Variants in CCSER1 observed in about 807,000 individuals in gnomAD.
CCSER1 encodes serine-rich coiled-coil domain-containing protein 1.
In CCSER1, 41 loss-of-function variants were observed where a neutral mutation model predicts 82.0. That is an observed-to-expected ratio of 0.50 (90% CI 0.39 to 0.65). The LOEUF (loss-of-function observed/expected upper bound fraction) is 0.65, where lower values mean the gene tolerates loss of function less well. Ranked by LOEUF, CCSER1 falls within the 30% of genes least tolerant of loss-of-function variation. CCSER1 has a pLI of 0.00. For missense variants in CCSER1, 1,119 were observed against 1,064.2 expected, an observed-to-expected ratio of 1.05 and a Z score of -0.72; for synonymous variants, 414 against 383.9, an observed-to-expected ratio of 1.08 and a Z score of -0.92.
In CCSER1 at chr4:90,835,733, G is replaced by T. The variant is rs376587981; in HGVS notation, c.2094+19888G>T. Reference sequence around the variant, plus strand: ...AGGGAAATTGAATTTTCCCAGAGAGGTATCTCCAACTAGAATATAGTTTTA... The same window carrying T: ...AGGGAAATTGAATTTTCCCAGAGAGTTATCTCCAACTAGAATATAGTTTTA... On this transcript the variant is annotated intron_variant, in intron 8 of 10. Coordinates refer to ENST00000509176, the MANE Select transcript of CCSER1 (RefSeq NM_001145065.2). Among the ~76,000 whole-genome samples, 7 of 152,258 alleles carry T rather than the reference G, an allele frequency of 4.6e-5. No individual in the cohort carries two copies. In the East Asian group the frequency reaches 1.2e-3, roughly 25 times the overall value.
chr4:91,523,844 T>C (rs995740891), intron 10 of CCSER1, among the ~76,000 whole-genome samples: 3 of 152,222 alleles, frequency 2.0e-5, no homozygotes, highest in Non-Finnish European at 4.4e-5. Context: ...TCATTGATTT[T>C]TGAAGGGTTT....
intron 7 of CCSER1, among the ~76,000 whole-genome samples, chr4:90,792,910 G>A (rs993440641): frequency 6.6e-6 from 1 of 152,316 alleles, no homozygotes; most frequent in Admixed American, 6.5e-5. Flanking sequence ...TGATAGGGCT[G>A]GTACCTGGAG....
chr4:91,184,831 G>T (rs985449511), intron 10 of CCSER1, among the ~76,000 whole-genome samples: 1 of 152,086 alleles, frequency 6.6e-6, no homozygotes, highest in Non-Finnish European at 1.5e-5. Flanking sequence ...ATTGTATGTT[G>T]ATTTTTAGGG....
chr4:90,282,809 A>T (rs949092618), intron 1 of CCSER1, among the ~76,000 whole-genome samples: 1 of 151,832 alleles, frequency 6.6e-6, no homozygotes, highest in African/African-American at 2.4e-5. Flanking sequence ...TTTATGGAGG[A>T]CCTTTATTGG....
At chr4:90,926,761 C>T (rs1729117600) in intron 9 of CCSER1, among the ~76,000 whole-genome samples, 1 of 152,000 alleles carries the variant, frequency 6.6e-6, no homozygotes, top group African/African-American at 2.4e-5. Flanking sequence ...CTTAAATAAT[C>T]AATGCCAATT....
At chr4:90,664,203 G>A (rs944300891) in intron 6 of CCSER1, among the ~76,000 whole-genome samples, 3 of 152,130 alleles carry the variant, frequency 2.0e-5, no homozygotes, top group African/African-American at 7.2e-5. Context: ...TGGATAAAAT[G>A]TTTTCTATGT....
chr4:91,392,492 CA>C (rs1471416367), intron 10 of CCSER1, among the ~76,000 whole-genome samples: 1 of 151,628 alleles, frequency 6.6e-6, no homozygotes, highest in East Asian at 1.9e-4. Flanking sequence ...CTTAGAATTT[CA>C]TAAAGATTGC....
intron 10 of CCSER1, among the ~76,000 whole-genome samples, chr4:91,321,903 C>A (rs1746226161): frequency 6.6e-6 from 1 of 151,988 alleles, no homozygotes; most frequent in South Asian, 2.1e-4. Flanking sequence ...TTTACAAGTA[C>A]AATATTTGTG....
At chr4:90,711,719 G>A (rs1180393294) in intron 6 of CCSER1, among the ~76,000 whole-genome samples, 2 of 143,672 alleles carry the variant, frequency 1.4e-5, no homozygotes, top group Admixed American at 1.4e-4. Context: ...ATGTCCTGCT[G>A]GATTTTTTTT....
intron 5 of CCSER1, among the ~76,000 whole-genome samples, chr4:90,611,637 T>C (rs542913868): frequency 2.6e-5 from 4 of 151,152 alleles, no homozygotes; most frequent in Non-Finnish European, 1.5e-5. Flanking sequence ...CCAAACCTCT[T>C]AAGGATATTT....
At chr4:91,091,170 A>G (rs1723910282) in intron 10 of CCSER1, among the ~76,000 whole-genome samples, 1 of 152,210 alleles carries the variant, frequency 6.6e-6, no homozygotes, top group Non-Finnish European at 1.5e-5. Flanking sequence ...TGACAGCACA[A>G]GCGTCAAATT....
intron 8 of CCSER1, among the ~76,000 whole-genome samples, chr4:90,830,615 C>A (rs1272906686): frequency 6.6e-6 from 1 of 152,116 alleles, no homozygotes; most frequent in South Asian, 2.1e-4. Flanking sequence ...TTGCCACAGA[C>A]ACAACTGCCC....
At chr4:90,840,944 C>T (rs1435404219) in intron 8 of CCSER1, among the ~76,000 whole-genome samples, 8 of 152,106 alleles carry the variant, frequency 5.3e-5, no homozygotes, top group Admixed American at 5.2e-4. Flanking sequence ...TCATGTATTG[C>T]ATAATAGTTA....
intron 10 of CCSER1, among the ~76,000 whole-genome samples, chr4:91,364,826 T>C (rs1450115536): frequency 6.6e-6 from 1 of 152,084 alleles, no homozygotes; most frequent in Non-Finnish European, 1.5e-5. Context: ...AGACATCAAA[T>C]AGTAAGTTTT....
At chr4:90,628,255 A>T in intron 6 of CCSER1, 23 bp downstream of exon 6, 1 of 1,581,954 alleles carries the variant, frequency 6.3e-7, no homozygotes, top group African/African-American at 1.3e-5. Context: ...TCTAAGATTA[A>T]TGTCCTTCAG....
At chr4:90,497,542 A>G (rs1165192992) in intron 5 of CCSER1, among the ~76,000 whole-genome samples, 1 of 152,212 alleles carries the variant, frequency 6.6e-6, no homozygotes, top group Non-Finnish European at 1.5e-5. Context: ...TAAACAATTT[A>G]CTTTTACAAA....
chr4:90,681,864 C>T (rs1270803382), intron 6 of CCSER1, among the ~76,000 whole-genome samples: 1 of 151,888 alleles, frequency 6.6e-6, no homozygotes, highest in Non-Finnish European at 1.5e-5. Context: ...TAAATTTTTA[C>T]ATTCATATTG....
intron 10 of CCSER1, among the ~76,000 whole-genome samples, chr4:91,256,706 C>A (rs1351741399): frequency 6.6e-5 from 10 of 151,994 alleles, no homozygotes; most frequent in Non-Finnish European, 1.5e-4. Flanking sequence ...ACTTTATTGC[C>A]ATGTAGGTGG....
intron 10 of CCSER1, among the ~76,000 whole-genome samples, chr4:91,296,086 A>G (rs905850902): frequency 6.6e-6 from 1 of 151,866 alleles, no homozygotes; most frequent in African/African-American, 2.4e-5. Context: ...TTGAAGTCAC[A>G]CAAATTTTCA....
Sources: gnomAD v4.1 joint callset for allele counts (sites outside exome capture counted in the v4.1 genomes callset) on GRCh38, gnomAD v4.1.1 for gene constraint, MANE v1.5 for transcripts, NCBI Gene and HGNC (gene_info 2026-07-23, HGNC 2026-07-21) for gene names.